Variants in IDE observed in about 807,000 individuals in gnomAD.
IDE encodes insulin degrading enzyme, also known as insulin-degrading enzyme.
Under a neutral mutation model 133.2 loss-of-function variants are expected in IDE, and 58 were observed. The ratio of observed to expected loss-of-function variants is 0.44; its 90% confidence interval spans 0.35 to 0.54. The LOEUF is 0.54. IDE is among the 20% of genes least tolerant of loss of function. IDE has a pLI of 0.00. For missense variants in IDE, 981 were observed against 1,234.0 expected, an observed-to-expected ratio of 0.79 and a Z score of 3.07; for synonymous variants, 396 against 421.3, an observed-to-expected ratio of 0.94 and a Z score of 0.73.
intron 4 of IDE, among the ~76,000 whole-genome samples, chr10:92,524,058 G>C (rs1388738205): frequency 6.6e-6 from 1 of 151,584 alleles, no homozygotes; most frequent in East Asian, 1.9e-4. Flanking sequence ...TAGTTTATCA[G>C]GAACTATGAA....
chr10:92,560,585 C>G (rs1311398649), intron 1 of IDE, among the ~76,000 whole-genome samples: 1 of 151,820 alleles, frequency 6.6e-6, no homozygotes, highest in Non-Finnish European at 1.5e-5. Context: ...GAGTTCAAGA[C>G]GAGCCTGTTC....
At chr10:92,542,723 G>A (rs572895617) in intron 1 of IDE, among the ~76,000 whole-genome samples, 1 of 152,200 alleles carries the variant, frequency 6.6e-6, no homozygotes, top group Admixed American at 6.5e-5. Flanking sequence ...AAGGGAATTC[G>A]TGAGCGAAGC....
chr10:92,537,359 A>G lies in IDE; in HGVS notation c.283+7T>C. ...AACAAAGCTTAATTCACAATTTTCA[A>G]TTGTACCTATGTGCACATCAAGTGC... On this transcript the variant is annotated splice_region_variant and intron_variant, in intron 2 of 24. Coordinates refer to ENST00000265986, the MANE Select transcript of IDE (RefSeq NM_004969.4). 1 of 1,580,762 alleles carries G rather than the reference A, an allele frequency of 6.3e-7. No individual in the cohort carries two copies.
In IDE at chr10:92,557,896, A is replaced by T. The variant is rs543807850; in HGVS notation, c.98+16026T>A. On this transcript the variant is annotated intron_variant, in intron 1 of 24. Transcript: ENST00000265986. The stretch of plus-strand genomic sequence containing the variant: ...CCTCAAAAAAAAAAAAAAAAAAAGG[A>T]TGCAAAACAATTCAATGAGGAAGGA... Among the ~76,000 whole-genome samples, 4 of 137,508 alleles carry T rather than the reference A, an allele frequency of 2.9e-5. No individual in the cohort carries two copies. The South Asian group carries it at 9.4e-4, about 32-fold the overall frequency. 90.2% of individuals were successfully genotyped at this position (137,508 alleles called of 152,430 possible).
chr10:92,558,273 C>T (rs1458937505), intron 1 of IDE, among the ~76,000 whole-genome samples: 1 of 152,154 alleles, frequency 6.6e-6, no homozygotes, highest in African/African-American at 2.4e-5. Context: ...AGGCTGGTCT[C>T]AAACTCCTGA....
chr10:92,519,710 G>A (rs565879788), intron 4 of IDE, among the ~76,000 whole-genome samples: 7 of 152,176 alleles, frequency 4.6e-5, no homozygotes, highest in Admixed American at 1.3e-4. Flanking sequence ...CTAGCTGTGA[G>A]ACACAGGCAG....
At chr10:92,544,466 T>A (rs1005195788) in intron 1 of IDE, among the ~76,000 whole-genome samples, 1 of 151,958 alleles carries the variant, frequency 6.6e-6, no homozygotes, top group African/African-American at 2.4e-5. Context: ...AAAGAAAAGA[T>A]AAGTGGTTAA....
chr10:92,487,159 T>TC (rs1847046124), intron 13 of IDE, 37 bp downstream of exon 13: 1 of 1,591,548 alleles, frequency 6.3e-7, no homozygotes, highest in African/African-American at 1.4e-5. Flanking sequence ...ATTAGGTCTG[T>TC]CCCCCAAATT....
chr10:92,493,521 G>A (rs1847498892), intron 11 of IDE, among the ~76,000 whole-genome samples: 1 of 150,974 alleles, frequency 6.6e-6, no homozygotes, highest in African/African-American at 2.4e-5. Context: ...TGCCAAGCCA[G>A]ATGCTCTGGA....
At chr10:92,557,099 G>C (rs181111252) in intron 1 of IDE, among the ~76,000 whole-genome samples, 1 of 152,150 alleles carries the variant, frequency 6.6e-6, no homozygotes, top group African/African-American at 2.4e-5. Flanking sequence ...TTGACAAATT[G>C]ATCCTAAAAC....
chr10:92,463,042 CAG>C (rs1414312423), intron 21 of IDE, among the ~76,000 whole-genome samples: 4 of 152,122 alleles, frequency 2.6e-5, no homozygotes, highest in Non-Finnish European at 4.4e-5. Flanking sequence ...GCCTGGCTGA[CAG>C]AGTGAGATAC....
intron 1 of IDE, among the ~76,000 whole-genome samples, chr10:92,539,082 A>G (rs1411970779): frequency 6.6e-6 from 1 of 152,198 alleles, no homozygotes; most frequent in East Asian, 1.9e-4. Context: ...TTTCACCATT[A>G]TATTTTCCTC....
chr10:92,543,280 A>C (rs1842394276), intron 1 of IDE, among the ~76,000 whole-genome samples: 1 of 152,226 alleles, frequency 6.6e-6, no homozygotes, highest in Non-Finnish European at 1.5e-5. Flanking sequence ...TAACATTCCC[A>C]GTTCCTTGCA....
chr10:92,524,554 A>T (rs1223342806), intron 4 of IDE, among the ~76,000 whole-genome samples: 15 of 105,826 alleles, frequency 1.4e-4, no homozygotes, highest in Non-Finnish European at 2.2e-4. Context: ...TTATATATAT[A>T]TTTTATATAT....
chr10:92,519,846 T>G (rs191963751), intron 4 of IDE, among the ~76,000 whole-genome samples: 1 of 152,178 alleles, frequency 6.6e-6, no homozygotes, highest in Non-Finnish European at 1.5e-5. Flanking sequence ...GGCTGACACC[T>G]GTAATCACAA....
At chr10:92,463,467 G>A (rs770544442) in intron 21 of IDE, among the ~76,000 whole-genome samples, 1 of 152,150 alleles carries the variant, frequency 6.6e-6, no homozygotes. Context: ...AAACAAAAAT[G>A]TGAAATTGAA....
intron 11 of IDE, among the ~76,000 whole-genome samples, chr10:92,495,006 A>C (rs1041689280): frequency 1.3e-5 from 2 of 152,194 alleles, no homozygotes; most frequent in African/African-American, 4.8e-5. Flanking sequence ...AAAATCACAG[A>C]TCTAAGTTAG....
At chr10:92,469,428 T>A (rs935870666) in intron 18 of IDE, among the ~76,000 whole-genome samples, 2 of 151,806 alleles carry the variant, frequency 1.3e-5, no homozygotes, top group African/African-American at 4.8e-5. Flanking sequence ...GACCAAGGGA[T>A]CTTTTCTTTT....
Position 92,484,916 on chromosome 10 carries a change from C to T in IDE, c.1657-1579G>A, listed in dbSNP as rs558863708. Among the ~76,000 whole-genome samples the T allele has an allele frequency of 8.6e-5, 13 of 151,796 alleles. No individual in the cohort carries two copies. The East Asian group carries it at 2.5e-3, about 29-fold the overall frequency. On this transcript the variant is annotated intron_variant, in intron 13 of 24. Coordinates refer to ENST00000265986, the MANE Select transcript of IDE (RefSeq NM_004969.4). ...CAAAAATATTGAACAATTAGCTGGG[C>T]GTGGTGGTGGGTGCTTGTAGTCCTA...
Sources: gnomAD v4.1 joint callset for allele counts (sites outside exome capture counted in the v4.1 genomes callset) on GRCh38, gnomAD v4.1.1 for gene constraint, MANE v1.5 for transcripts, NCBI Gene and HGNC (gene_info 2026-07-23, HGNC 2026-07-21) for gene names.